Variants in INPP5D observed in about 807,000 individuals in gnomAD.
The protein encoded by INPP5D is inositol polyphosphate-5-phosphatase D, also known as phosphatidylinositol 3,4,5-trisphosphate 5-phosphatase 1.
Under a neutral mutation model 122.9 loss-of-function variants are expected in INPP5D, and 33 were observed. The ratio of observed to expected loss-of-function variants is 0.27; its 90% CI spans 0.20 to 0.36. INPP5D has a LOEUF of 0.36. Ranked by LOEUF, INPP5D falls within the 10% of genes least tolerant of loss-of-function variation. The pLI, the probability that INPP5D is intolerant of heterozygous loss-of-function variation, is 1.00. For synonymous variants in INPP5D, 584 were observed against 576.2 expected (o/e 1.01, Z -0.19); for missense variants, 1,053 against 1,412.7 (o/e 0.75, Z 4.08).
At chr2:233,063,824 C>T (rs1201590586) in intron 1 of INPP5D, among the ~76,000 whole-genome samples, 1 of 152,260 alleles carries the variant, frequency 6.6e-6, no homozygotes, top group Non-Finnish European at 1.5e-5. Flanking sequence ...ATGTTGTCCC[C>T]ACCTGGTCCC....
intron 2 of INPP5D, among the ~76,000 whole-genome samples, chr2:233,115,924 GCA>G (rs1559299891): frequency 6.6e-6 from 1 of 152,124 alleles, no homozygotes; most frequent in African/African-American, 2.4e-5. Context: ...ATGACATGAC[GCA>G]GAGTGAGCTG....
intron 6 of INPP5D, chr2:233,141,491 C>G: frequency 6.6e-6 from 1 of 151,986 alleles, no homozygotes; most frequent in South Asian, 2.1e-4. Context: ...TGCTTGAACC[C>G]GGGAGGTGGA....
chr2:233,145,994 G>C, intron 6 of INPP5D, 168 bp from the exon 7 acceptor site: 1 of 701,692 alleles, frequency 1.4e-6, no homozygotes, highest in Non-Finnish European at 2.6e-6. Context: ...ATTCTGAGAA[G>C]ATTGTAGAGA....
rs892471693 is a variant in INPP5D at position 233,183,058 on chromosome 2, G to C, written c.2161+559G>C. Among the ~76,000 whole-genome samples the C allele has an allele frequency of 6.6e-6, 1 of 152,140 alleles. No homozygotes were observed. Among genetic ancestry groups the C allele is most frequent in the African/African-American group, 2.4e-5 (1 of 41,410 alleles). ...TGGGATGCAAATGACTGAGTTTTGG[G>C]AAACACCACAGTAAATAATATTTAG... On this transcript the variant is annotated intron_variant, in intron 19 of 26. Coordinates refer to ENST00000445964, the MANE Select transcript of INPP5D (RefSeq NM_001017915.3). This position sits in a 1 kb window ranked among gnomAD's most constrained non-coding sequence, Gnocchi z 4.6.
intron 2 of INPP5D, among the ~76,000 whole-genome samples, chr2:233,090,408 C>T (rs1056859785): frequency 9.9e-5 from 15 of 152,148 alleles, no homozygotes; most frequent in Non-Finnish European, 1.9e-4. Context: ...AGTCAAGAGA[C>T]CCTGCCAGGC....
At chr2:233,121,693 C>CT (rs11416616) in intron 2 of INPP5D, among the ~76,000 whole-genome samples, 8,791 of 149,686 alleles carry the variant, frequency 0.059, 351 homozygotes, top group African/African-American at 0.13. Flanking sequence ...TTTTTGTATT[C>CT]TTTTTTTTTG....
chr2:233,095,615 CAAAAAAAAAAAAAAAA>C (rs59030376), intron 2 of INPP5D, among the ~76,000 whole-genome samples: 95,953 of 131,432 alleles, frequency 0.73, 33,443 homozygotes, highest in Middle Eastern at 0.81. Context: ...GAAACTGTCT[CAAAAAAAAAAAAAAAA>C]AAAAAAAAAA....
At position 233,204,534 on chromosome 2, in the gene INPP5D, A is replaced by G. The variant is rs1423965010; in HGVS notation, c.3384A>G (p.Glu1128=). 1 of 1,579,516 alleles carries G rather than the reference A, an allele frequency of 6.3e-7. No homozygotes were observed. Among genetic ancestry groups the G allele is most frequent in the South Asian group, 1.2e-5 (1 of 86,520 alleles). Residue 1128 remains glutamate (E), a synonymous_variant, in exon 26 of 27, where the codon GAA becomes GAG. Transcript: ENST00000445964. ...AKRPIKPSRS[E]INQQTPPTPT... The stretch of plus-strand genomic sequence containing the variant: ...GGCCCATCAAGCCTTCCAGATCGGA[A>G]ATCAACCAGCAGACCCCGCCCACCC...
intron 2 of INPP5D, among the ~76,000 whole-genome samples, chr2:233,115,158 C>T (rs1316786650): frequency 1.3e-5 from 2 of 152,220 alleles, no homozygotes; most frequent in Non-Finnish European, 2.9e-5. Context: ...TGAGCCATCG[C>T]GCCTGGCCTG....
intron 10 of INPP5D, among the ~76,000 whole-genome samples, chr2:233,159,295 A>G (rs1694136575): frequency 6.6e-6 from 1 of 152,180 alleles, no homozygotes; most frequent in African/African-American, 2.4e-5. Context: ...GCCAAAACCT[A>G]TCATCGTGAA....
At chr2:233,084,031 A>G (rs1006185083) in intron 2 of INPP5D, among the ~76,000 whole-genome samples, 3 of 152,072 alleles carry the variant, frequency 2.0e-5, no homozygotes, top group Non-Finnish European at 4.4e-5. Flanking sequence ...TCAAGATGGG[A>G]GCACCCCCAG....
In INPP5D at chr2:233,125,808, G is replaced by A; in HGVS notation, c.413G>A (p.Cys138Tyr). The A allele has an allele frequency of 1.9e-6, 3 of 1,613,976 alleles. No homozygotes were observed. The highest frequency in any genetic ancestry group is 2.5e-6 in the Non-Finnish European group (3 of 1,179,872). Residue 138 changes from cysteine (C) to tyrosine (Y), a missense_variant, in exon 4 of 27, where the codon TGT becomes TAT. Coordinates refer to ENST00000445964, the MANE Select transcript of INPP5D (RefSeq NM_001017915.3). Reference sequence around the variant, plus strand: ...AACATCCCGCTGACTGCCAGCTCCTGTGAGGCCAAGGAGGTTCCTTTTTCA... The same window carrying A: ...AACATCCCGCTGACTGCCAGCTCCTATGAGGCCAAGGAGGTTCCTTTTTCA... Reference protein sequence around the residue: ...PRNIPLTASSCEAKEVPFSNE... With the variant: ...PRNIPLTASSYEAKEVPFSNE...
intron 1 of INPP5D, among the ~76,000 whole-genome samples, chr2:233,074,611 GT>G (rs556545421): frequency 2.6e-5 from 4 of 151,282 alleles, no homozygotes; most frequent in East Asian, 1.9e-4. Context: ...GGTGCAAATA[GT>G]TTTTTTTGTG....
intron 1 of INPP5D, among the ~76,000 whole-genome samples, chr2:233,072,997 G>A (rs879709407): frequency 2.6e-5 from 4 of 152,238 alleles, no homozygotes; most frequent in Non-Finnish European, 5.9e-5. Context: ...GCTGCAGCTA[G>A]GAGACTCCAG....
rs1694972769 is a variant in INPP5D, at chr2:233,188,483, A to C, written c.2359-1367A>C. ...CTAGCTTAGAGCCTGACATCACCTC[A>C]TGCCAGGAGCCAAGTGATAATTGGT... On this transcript the variant is annotated intron_variant, in intron 21 of 26. Coordinates refer to ENST00000445964, the MANE Select transcript of INPP5D (RefSeq NM_001017915.3). This position sits in a 1 kb window ranked among gnomAD's most constrained non-coding sequence, Gnocchi z 4.7. 6.6e-6 allele frequency among the ~76,000 whole-genome samples: 1 copy of C among 152,126 alleles called. No homozygotes were observed. Among genetic ancestry groups the C allele is most frequent in the African/African-American group, 2.4e-5 (1 of 41,430 alleles).
chr2:233,073,868 C>A (rs1374104104), intron 1 of INPP5D, among the ~76,000 whole-genome samples: 1 of 152,152 alleles, frequency 6.6e-6, no homozygotes, highest in East Asian at 1.9e-4. Flanking sequence ...CTCTAAACGT[C>A]CCGGCTGTCC....
chr2:233,107,063 T>C (rs891117539), intron 2 of INPP5D, among the ~76,000 whole-genome samples: 2 of 152,164 alleles, frequency 1.3e-5, no homozygotes, highest in African/African-American at 2.4e-5. Context: ...TGGCAGAGAT[T>C]TGGGGACCTG....
chr2:233,115,109 C>T (rs10171658), intron 2 of INPP5D, among the ~76,000 whole-genome samples: 36,018 of 152,038 alleles, frequency 0.24, 5,414 homozygotes, highest in African/African-American at 0.42. Context: ...TCAGGTGATC[C>T]GCCCGCCTCA....
intron 17 of INPP5D, among the ~76,000 whole-genome samples, chr2:233,176,745 T>G (rs1260386197): frequency 6.8e-6 from 1 of 147,892 alleles, no homozygotes; most frequent in African/African-American, 2.5e-5. Flanking sequence ...GGTGGATGGA[T>G]AGATGAATGA....
Sources: gnomAD v4.1 joint callset for allele counts (sites outside exome capture counted in the v4.1 genomes callset) on GRCh38, gnomAD v4.1.1 for gene constraint, Gnocchi (gnomAD v3.1) non-coding constraint, MANE v1.5 for transcripts, NCBI Gene and HGNC (gene_info 2026-07-23, HGNC 2026-07-21) for gene names.